The following KAZN variants were observed in gnomAD, a reference collection of about 807,000 sequenced individuals.
The protein encoded by KAZN is kazrin, periplakin interacting protein, also known as kazrin.
A neutral mutation model predicts 87.4 loss-of-function variants in KAZN; 40 were observed. The observed-to-expected ratio is 0.46, with a 90% CI of 0.36 to 0.60. KAZN has a LOEUF of 0.60. Ranked by LOEUF, KAZN falls within the 20% of genes least tolerant of loss-of-function variation. The pLI is 0.00. For synonymous variants in KAZN, 466 were observed against 458.3 expected, an observed-to-expected ratio of 1.02 and a Z score of -0.22; for missense variants, 898 against 1,073.9, an observed-to-expected ratio of 0.84 and a Z score of 2.29.
intron 2 of KAZN, among the ~76,000 whole-genome samples, chr1:14,495,904 G>A (rs1053223679): frequency 3.3e-5 from 5 of 152,124 alleles, no homozygotes; most frequent in African/African-American, 9.7e-5. Context: ...GGGAGTCAGT[G>A]GAACCAACGT....
intron 2 of KAZN, among the ~76,000 whole-genome samples, chr1:15,030,072 T>C (rs1331230062): frequency 1.3e-5 from 2 of 152,120 alleles, no homozygotes; most frequent in African/African-American, 4.8e-5. Flanking sequence ...ACCAGCTGTG[T>C]GGTCTTCGTT....
At chr1:14,729,766 C>A (rs562588295) in intron 1 of KAZN, among the ~76,000 whole-genome samples, 1 of 152,232 alleles carries the variant, frequency 6.6e-6, no homozygotes, top group Non-Finnish European at 1.5e-5. Flanking sequence ...AACACTAAGG[C>A]CCTGCAGCAG....
chr1:14,382,560 T>C (rs1219201081), intron 2 of KAZN, among the ~76,000 whole-genome samples: 1 of 146,158 alleles, frequency 6.8e-6, no homozygotes, highest in East Asian at 2.1e-4. Context: ...TGAGTGAGAA[T>C]ATGCGGTGTT....
At chr1:14,657,569 C>T (rs184882007) in intron 1 of KAZN, among the ~76,000 whole-genome samples, 65 of 152,254 alleles carry the variant, frequency 4.3e-4, no homozygotes, top group African/African-American at 1.5e-3. Flanking sequence ...CCGCCTTTGC[C>T]GCACTGAGGA....
At chr1:14,980,276 G>A (rs1666096916) in intron 2 of KAZN, among the ~76,000 whole-genome samples, 1 of 152,194 alleles carries the variant, frequency 6.6e-6, no homozygotes, top group Non-Finnish European at 1.5e-5. Flanking sequence ...TTTAAACTGG[G>A]AGAGTTTTGC....
chr1:14,711,604 T>C (rs1182961773), intron 1 of KAZN, among the ~76,000 whole-genome samples: 2 of 152,122 alleles, frequency 1.3e-5, no homozygotes, highest in Non-Finnish European at 2.9e-5. Flanking sequence ...GCTAGTGCAC[T>C]CTCTCCCCAT....
chr1:14,211,403 T>C (rs1395890810), intron 2 of KAZN, among the ~76,000 whole-genome samples: 1 of 152,138 alleles, frequency 6.6e-6, no homozygotes, highest in Non-Finnish European at 1.5e-5. Flanking sequence ...TTTTTGTATT[T>C]TTAGTAGAGA....
chr1:14,623,243 A>G (rs1164221042), intron 1 of KAZN, among the ~76,000 whole-genome samples: 3 of 152,240 alleles, frequency 2.0e-5, no homozygotes, highest in African/African-American at 7.2e-5. Flanking sequence ...GGTAGACTGG[A>G]TAAGGAAAAT....
At chr1:14,646,728 C>A (rs939383097) in intron 1 of KAZN, among the ~76,000 whole-genome samples, 1 of 152,180 alleles carries the variant, frequency 6.6e-6, no homozygotes, top group Non-Finnish European at 1.5e-5. Context: ...TCCATAGGAA[C>A]AAGGCGTCAC....
chr1:15,099,753 C>T lies in KAZN; in HGVS notation c.1548-1790C>T, dbSNP rs1025818406. On this transcript the variant is annotated intron_variant, in intron 10 of 14. Coordinates refer to ENST00000376030, the MANE Select transcript of KAZN (RefSeq NM_201628.3). This position sits in a 1 kb window ranked among gnomAD's most constrained non-coding sequence, Gnocchi z 5.4. The stretch of plus-strand genomic sequence containing the variant: ...CACACTGACATTTTAAAAGGACCCC[C>T]TGGTGGTCCTGGGGGATGCGGAATA... 6.6e-6 allele frequency among the ~76,000 whole-genome samples: 1 copy of T among 152,138 alleles called. No individual in the cohort carries two copies. The highest frequency in any genetic ancestry group is 1.5e-5 in the Non-Finnish European group (1 of 67,994).
chr1:15,106,656 ACT>A (rs1335301138), intron 13 of KAZN, among the ~76,000 whole-genome samples: 5 of 151,952 alleles, frequency 3.3e-5, no homozygotes, highest in African/African-American at 1.2e-4. Flanking sequence ...GAGGGAAATG[ACT>A]CTGTCCAGGC....
chr1:14,580,977 T>C (rs1675510778), intron 2 of KAZN, among the ~76,000 whole-genome samples: 1 of 152,162 alleles, frequency 6.6e-6, no homozygotes, highest in South Asian at 2.1e-4. Context: ...TTGTGTCTCC[T>C]TATGACCTTG....
chr1:14,644,304 G>A (rs1474956283), intron 1 of KAZN, among the ~76,000 whole-genome samples: 3 of 150,374 alleles, frequency 2.0e-5, no homozygotes, highest in African/African-American at 7.3e-5. Context: ...GAGCCACCAC[G>A]CCCGCCTGCC....
chr1:14,267,703 C>T (rs1251560981), intron 2 of KAZN, among the ~76,000 whole-genome samples: 1 of 152,182 alleles, frequency 6.6e-6, no homozygotes, highest in African/African-American at 2.4e-5. Flanking sequence ...TGCAGGCACT[C>T]ACGCCTGTAA....
intron 1 of KAZN, among the ~76,000 whole-genome samples, chr1:14,722,986 C>T (rs570436931): frequency 7.9e-5 from 12 of 152,090 alleles, no homozygotes; most frequent in Admixed American, 3.9e-4. Flanking sequence ...CTTAGCTGGA[C>T]GTGGTGGTGT....
intron 1 of KAZN, among the ~76,000 whole-genome samples, chr1:14,734,470 A>G (rs1036642637): frequency 2.0e-5 from 3 of 151,104 alleles, no homozygotes; most frequent in African/African-American, 7.3e-5. Flanking sequence ...CGCTCGACTA[A>G]TTTTTTTTTA....
At chr1:13,998,087 G>T (rs546353705) in intron 1 of KAZN, among the ~76,000 whole-genome samples, 9 of 152,256 alleles carry the variant, frequency 5.9e-5, no homozygotes, top group Non-Finnish European at 1.0e-4. Context: ...ATTCGTAAAA[G>T]AATTTTCAAC....
chr1:14,280,578 G>A (rs1652776133), intron 2 of KAZN, among the ~76,000 whole-genome samples: 1 of 151,916 alleles, frequency 6.6e-6, no homozygotes, highest in Non-Finnish European at 1.5e-5. Context: ...GAAGCAAGGC[G>A]ACAGGCACAG....
intron 1 of KAZN, among the ~76,000 whole-genome samples, chr1:14,618,292 G>A (rs1678416850): frequency 6.6e-6 from 1 of 152,182 alleles, no homozygotes; most frequent in Admixed American, 6.5e-5. Context: ...CTTCTGCCTC[G>A]AGCTGGTGAC....
Sources: gnomAD v4.1 joint callset for allele counts (sites outside exome capture counted in the v4.1 genomes callset) on GRCh38, gnomAD v4.1.1 for gene constraint, Gnocchi (gnomAD v3.1) non-coding constraint, MANE v1.5 for transcripts, NCBI Gene and HGNC (gene_info 2026-07-23, HGNC 2026-07-21) for gene names.